The following UEVLD variants were observed in gnomAD, a reference collection of about 807,000 sequenced individuals.
The protein encoded by UEVLD is UEV and lactate/malate dehyrogenase domains.
A neutral mutation model predicts 58.6 loss-of-function variants in UEVLD; 47 were observed. The ratio of observed to expected loss-of-function variants is 0.80; its 90% confidence interval spans 0.63 to 1.02. The LOEUF is 1.02. Ranked by LOEUF, UEVLD falls within the 50% of genes least tolerant of loss-of-function variation. UEVLD has a pLI of 0.00. For missense variants in UEVLD, 510 were observed against 550.6 expected, an observed-to-expected ratio of 0.93 and a Z score of 0.74; for synonymous variants, 197 against 195.3, an observed-to-expected ratio of 1.01 and a Z score of -0.07.
intron 7 of UEVLD, among the ~76,000 whole-genome samples, chr11:18,557,686 C>T (rs1005559221): frequency 2.0e-5 from 3 of 151,888 alleles, no homozygotes; most frequent in African/African-American, 7.3e-5. Context: ...GCCTCAGCCT[C>T]CCACGTAGCT....
intron 7 of UEVLD, among the ~76,000 whole-genome samples, chr11:18,553,325 CAAA>C (rs546653858): frequency 1.0e-5 from 1 of 97,708 alleles, no homozygotes. Flanking sequence ...GACTCTGTCT[CAAA>C]AAAAAAAAAA....
intron 6 of UEVLD, chr11:18,563,834 G>C (rs1395611060): frequency 3.7e-6 from 1 of 271,412 alleles, no homozygotes; most frequent in African/African-American, 2.3e-5. Flanking sequence ...GCAAAACCCT[G>C]TCTCTGCTAA....
intron 6 of UEVLD, among the ~76,000 whole-genome samples, chr11:18,561,720 T>A (rs1039911611): frequency 1.3e-5 from 2 of 151,376 alleles, no homozygotes; most frequent in Non-Finnish European, 2.9e-5. Context: ...CGGGTGCCTG[T>A]AATCTTAGGC....
At chr11:18,559,300 G>A (rs1440509276) in intron 6 of UEVLD, among the ~76,000 whole-genome samples, 2 of 152,124 alleles carry the variant, frequency 1.3e-5, no homozygotes, top group Non-Finnish European at 2.9e-5. Flanking sequence ...CCAGGTTCAA[G>A]CGATTCTCCT....
At chr11:18,581,422 G>A (rs12790143) in intron 1 of UEVLD, among the ~76,000 whole-genome samples, 24,170 of 151,954 alleles carry the variant, frequency 0.16, 3,348 homozygotes, top group African/African-American at 0.37. Context: ...GGTGGCTCAC[G>A]CCTGTAATCC....
chr11:18,571,784 A>G (rs997818301), intron 3 of UEVLD, among the ~76,000 whole-genome samples: 7 of 152,082 alleles, frequency 4.6e-5, no homozygotes, highest in Admixed American at 4.6e-4. Context: ...CTGGGCAACA[A>G]TGCAAGACCC....
At chr11:18,534,667 TAAC>T (rs1850712375) in intron 10 of UEVLD, among the ~76,000 whole-genome samples, 1 of 152,152 alleles carries the variant, frequency 6.6e-6, no homozygotes, top group African/African-American at 2.4e-5. Flanking sequence ...AATGGCCTAA[TAAC>T]ATAAAAAATG....
At chr11:18,584,105 A>G (rs1460091287) in intron 1 of UEVLD, among the ~76,000 whole-genome samples, 2 of 152,210 alleles carry the variant, frequency 1.3e-5, no homozygotes, top group Non-Finnish European at 2.9e-5. Context: ...TTGGCTGGGC[A>G]TGGTGGCTCA....
At chr11:18,536,196 G>C (rs1850787704) in intron 10 of UEVLD, among the ~76,000 whole-genome samples, 1 of 152,198 alleles carries the variant, frequency 6.6e-6, no homozygotes, top group African/African-American at 2.4e-5. Flanking sequence ...AATGTCAACT[G>C]TGTTATCTGA....
chr11:18,531,887 C>T lies in UEVLD; in HGVS notation c.*433G>A, dbSNP rs939432178. On this transcript the variant is annotated 3_prime_UTR_variant, in exon 12 of 12. Coordinates refer to ENST00000396197, the MANE Select transcript of UEVLD (RefSeq NM_001040697.4). The stretch of plus-strand genomic sequence containing the variant: ...ACATTAGTAACTTAAGCTGTGGATC[C>T]TGTGAATGTACAACTGACACAGATT... 3 of 152,308 alleles carry T rather than the reference C, an allele frequency of 2.0e-5. No homozygotes were observed. The highest frequency in any genetic ancestry group is 7.2e-5 in the African/African-American group (3 of 41,432). 9.4% of individuals were successfully genotyped at this position (152,308 alleles called of 1,614,324 possible).
chr11:18,553,592 T>C (rs960506068), intron 7 of UEVLD, among the ~76,000 whole-genome samples: 1 of 152,052 alleles, frequency 6.6e-6, no homozygotes, highest in Non-Finnish European at 1.5e-5. Context: ...CTAGTTACAA[T>C]AGTGAAAAAG....
At chr11:18,564,374 T>C (rs2134019708) in intron 6 of UEVLD, among the ~76,000 whole-genome samples, 2 of 152,248 alleles carry the variant, frequency 1.3e-5, no homozygotes, top group South Asian at 4.1e-4. Context: ...GCAGGTCTTT[T>C]GAACCTCTCT....
At chr11:18,569,358 C>A (rs1319800681) in intron 4 of UEVLD, among the ~76,000 whole-genome samples, 2 of 152,124 alleles carry the variant, frequency 1.3e-5, no homozygotes, top group African/African-American at 4.8e-5. Context: ...AATAGGTACC[C>A]TCCTACACTG....
intron 2 of UEVLD, among the ~76,000 whole-genome samples, chr11:18,578,491 CGT>C (rs1853053891): frequency 1.3e-5 from 2 of 152,126 alleles, no homozygotes; most frequent in Admixed American, 6.6e-5. Flanking sequence ...ACACAGTAAA[CGT>C]GTGTTTTTTA....
chr11:18,575,196 C>T (rs1852836882), intron 3 of UEVLD, 151 bp downstream of exon 3: 3 of 716,274 alleles, frequency 4.2e-6, no homozygotes, highest in Admixed American at 6.1e-5. Flanking sequence ...TTAATACAGG[C>T]CTTCCTTGAC....
chr11:18,530,425 TTCA>T lies in UEVLD; in HGVS notation c.*1892_*1894del, dbSNP rs769440270. ...TTTCACCTTTTCTTTATGACTAAAG[TTCA>T]TCATTATAAGCATTCCTTATTACAC... On this transcript the variant is annotated 3_prime_UTR_variant, in exon 12 of 12. Coordinates refer to ENST00000396197, the MANE Select transcript of UEVLD (RefSeq NM_001040697.4). 2.0e-5 allele frequency: 3 copies of T among 152,236 alleles called. No individual in the cohort carries two copies. Among genetic ancestry groups the T allele is most frequent in the East Asian group, 1.9e-4 (1 of 5,204 alleles). The allele number at this position is 152,236 out of a possible 1,614,324, so 9.4% of individuals were successfully genotyped here.
intron 8 of UEVLD, 101 bp downstream of exon 8, chr11:18,546,779 G>A (rs984557341): frequency 3.8e-6 from 5 of 1,328,906 alleles, no homozygotes; most frequent in Admixed American, 2.4e-5. Context: ...TTACTGGTGT[G>A]AGCCACTGTG....
At chr11:18,563,425 T>C (rs1852139789) in intron 6 of UEVLD, among the ~76,000 whole-genome samples, 1 of 151,706 alleles carries the variant, frequency 6.6e-6, no homozygotes, top group Non-Finnish European at 1.5e-5. Flanking sequence ...ACTCTGTCTC[T>C]ACAAAAAAAT....
intron 8 of UEVLD, 65 bp from the exon 9 acceptor site, chr11:18,544,861 C>A: frequency 8.1e-7 from 1 of 1,234,022 alleles, no homozygotes; most frequent in Non-Finnish European, 1.1e-6. Flanking sequence ...GCCTAGCTCA[C>A]AAATATTTAT....
Sources: gnomAD v4.1 joint callset for allele counts (sites outside exome capture counted in the v4.1 genomes callset) on GRCh38, gnomAD v4.1.1 for gene constraint, MANE v1.5 for transcripts, NCBI Gene and HGNC (gene_info 2026-07-23, HGNC 2026-07-21) for gene names.